Variants in STEAP2 observed in about 807,000 individuals in gnomAD.
STEAP2 encodes STEAP2 metalloreductase, also known as metalloreductase STEAP2.
STEAP2 carries 30 observed loss-of-function variants against 46.4 expected under a neutral mutation model. The observed-to-expected ratio is 0.65, with a 90% CI of 0.48 to 0.88. The LOEUF (loss-of-function observed/expected upper bound fraction) is 0.88. Ranked by LOEUF, STEAP2 falls within the 40% of genes least tolerant of loss-of-function variation. The pLI, the probability that STEAP2 is intolerant of heterozygous loss-of-function variation, is 0.00. For synonymous variants in STEAP2, 180 were observed against 200.5 expected, an observed-to-expected ratio of 0.90 and a Z score of 0.86; for missense variants, 513 against 579.3, an observed-to-expected ratio of 0.89 and a Z score of 1.18.
chr7:90,231,889 GA>G (rs1472579714), intron 5 of STEAP2, among the ~76,000 whole-genome samples: 1 of 151,858 alleles, frequency 6.6e-6, no homozygotes, highest in African/African-American at 2.4e-5. Context: ...CCAGTCCTAA[GA>G]AAATAAATCA....
Position 90,236,130 on chromosome 7 carries a change from ATTC to A in STEAP2, c.*3511_*3513del. On this transcript the variant is annotated 3_prime_UTR_variant, in exon 6 of 6. Coordinates refer to ENST00000394621, the MANE Select transcript of STEAP2 (RefSeq NM_001244944.2). ...AATATATCTCCTATCTGATAACTTAATTCTTCTAAATTACCACTTGCCATTAAG... is the reference window on the plus strand; with the variant it reads ...AATATATCTCCTATCTGATAACTTAATTCTAAATTACCACTTGCCATTAAG... 1.5e-6 allele frequency: 1 copy of A among 670,650 alleles called. No individual in the cohort carries two copies. The highest frequency in any genetic ancestry group is 1.8e-6 in the Non-Finnish European group (1 of 543,888). 41.5% of individuals were successfully genotyped at this position (670,650 alleles called of 1,614,324 possible).
At chr7:90,240,762 T>C (rs1242661387), downstream of STEAP2, among the ~76,000 whole-genome samples, 7 of 152,242 alleles carry the variant, frequency 4.6e-5, no homozygotes, top group East Asian at 1.9e-4. The surrounding 1 kb of genome is among the most constrained non-coding windows in gnomAD (Gnocchi z 4.1). Flanking sequence ...TACTAAGAAA[T>C]TGCAATTTGT....
downstream of STEAP2, chr7:90,237,813 T>G: frequency 3.6e-6 from 1 of 281,212 alleles, no homozygotes; most frequent in Non-Finnish European, 6.7e-6. Flanking sequence ...TCCATTTACA[T>G]TTATTTTATT....
At chr7:90,229,835 A>G in intron 4 of STEAP2, 37 bp from the exon 5 acceptor site, 2 of 1,602,082 alleles carry the variant, frequency 1.2e-6, no homozygotes, top group Non-Finnish European at 8.5e-7. Flanking sequence ...TTAATGTTCT[A>G]CTAAATAAAG....
Position 90,235,366 on chromosome 7 carries a change from C to A in STEAP2, c.*2742C>A. The A allele has an allele frequency of 1.0e-6, 1 of 957,828 alleles. No homozygotes were observed. The highest frequency in any genetic ancestry group is 1.2e-6 in the Non-Finnish European group (1 of 804,744). The allele number at this position is 957,828 out of a possible 1,614,324, so 59.3% of individuals were successfully genotyped here. Reference sequence around the variant, plus strand: ...TAAATGCTTTTCTAAAAATGCAAAACTATGATGTTTAGTTGCTTTATTTTA... The same window carrying A: ...TAAATGCTTTTCTAAAAATGCAAAAATATGATGTTTAGTTGCTTTATTTTA... On this transcript the variant is annotated 3_prime_UTR_variant, in exon 6 of 6. Coordinates refer to ENST00000394621, the MANE Select transcript of STEAP2 (RefSeq NM_001244944.2).
Position 90,227,352 on chromosome 7 carries a change from C to G in STEAP2, c.874C>G (p.Pro292Ala), listed in dbSNP as rs771757573. Residue 292 changes from proline (P) to alanine (A), a missense_variant, in exon 4 of 6, where the codon CCA (proline) becomes GCA (alanine). Transcript: ENST00000394621. ...TTACGGCACCAAGTATAGGAGATTT[C>G]CACCTTGGTTGGAAACCTGGTTACA... The part of the protein sequence containing the change: ...LYYGTKYRRF[P>A]PWLETWLQCR... 33 of 1,613,838 alleles carry G rather than the reference C, an allele frequency of 2.0e-5. 1 individual carries two copies. In the South Asian group the frequency reaches 3.1e-4, roughly 15 times the overall value.
intron 2 of STEAP2, 22 bp from the exon 3 acceptor site, chr7:90,225,028 C>T (rs1306024536): frequency 6.4e-7 from 1 of 1,564,610 alleles, no homozygotes; most frequent in Non-Finnish European, 8.6e-7. Context: ...AACTGATGAC[C>T]ATTTTATTTT....
rs1795550033 is a variant in STEAP2 at position 90,227,452 on chromosome 7, T to C, written c.974T>C (p.Met325Thr). The C allele has an allele frequency of 6.2e-7, 1 of 1,601,790 alleles. No individual in the cohort carries two copies. The highest frequency in any genetic ancestry group is 8.5e-7 in the Non-Finnish European group (1 of 1,170,102). The change falls in exon 4 of 6, where the codon ATG becomes ACG. Residue 325 changes from methionine to threonine, a missense_variant. Physicochemically the swap from Met to Thr is moderately conservative, Grantham distance 81. Coordinates refer to ENST00000394621, the MANE Select transcript of STEAP2 (RefSeq NM_001244944.2). ...VHVAYSLCLP[M>T]RRSERYLFLN... ...GTTGCCTACAGCCTCTGCTTACCGA[T>C]GAGAAGGTCAGAGAGATATTTGTTT...
chr7:90,230,005 C>T lies in STEAP2; in HGVS notation c.1154C>T (p.Ala385Val). Residue 385 changes from alanine (A) to valine (V), a missense_variant, in exon 5 of 6, where the codon GCT becomes GTT. By Grantham distance (64) the Ala-to-Val change is moderately conservative. Transcript: ENST00000394621. ...ACTTCTATCCCTTCAGTGAGCAATG[C>T]TTTAAACTGGAGAGAATTCAGTTTT... ...AVTSIPSVSN[A>V]LNWREFSFIQ... The T allele has an allele frequency of 1.2e-6, 2 of 1,613,170 alleles. No homozygotes were observed. The highest frequency in any genetic ancestry group is 1.7e-6 in the Non-Finnish European group (2 of 1,179,422).
At chr7:90,227,566 A>T in intron 4 of STEAP2, 68 bp downstream of exon 4, 1 of 1,368,110 alleles carries the variant, frequency 7.3e-7, no homozygotes, top group Non-Finnish European at 9.6e-7. Flanking sequence ...ATTGTAAAAC[A>T]TAAAATTTTA....
chr7:90,222,020 G>A (rs564431977), intron 2 of STEAP2, among the ~76,000 whole-genome samples: 3 of 152,280 alleles, frequency 2.0e-5, no homozygotes. Flanking sequence ...TCCAGGCTGG[G>A]ATATAGGAAA....
chr7:90,218,103 T>C (rs1795104467), intron 2 of STEAP2, among the ~76,000 whole-genome samples: 1 of 152,172 alleles, frequency 6.6e-6, no homozygotes, highest in South Asian at 2.1e-4. Flanking sequence ...CTTTACCCAT[T>C]TTTATGGGAT....
In STEAP2 at chr7:90,232,828, ATAT is replaced by A. The variant is rs888822728; in HGVS notation, c.*209_*211del. On this transcript the variant is annotated 3_prime_UTR_variant, in exon 6 of 6. Coordinates refer to ENST00000394621, the MANE Select transcript of STEAP2 (RefSeq NM_001244944.2). The stretch of plus-strand genomic sequence containing the variant: ...GCCAATATGAATTTTTCTAGTCAAC[ATAT>A]TATTGTAATTTAGGTATGTTTTGTT... 4 of 1,254,556 alleles carry A rather than the reference ATAT, an allele frequency of 3.2e-6. No homozygotes were observed. Among genetic ancestry groups the A allele is most frequent in the African/African-American group, 3.0e-5 (2 of 66,552 alleles). 77.7% of individuals were successfully genotyped at this position (1,254,556 alleles called of 1,614,324 possible).
Position 90,232,828 on chromosome 7 carries a change from A to C in STEAP2, c.*204A>C. The C allele has an allele frequency of 2.4e-6, 3 of 1,254,674 alleles. No individual in the cohort carries two copies. Among genetic ancestry groups the C allele is most frequent in the Non-Finnish European group, 2.0e-6 (2 of 996,366 alleles). The allele number at this position is 1,254,674 out of a possible 1,614,324, so 77.7% of individuals were successfully genotyped here. The stretch of plus-strand genomic sequence containing the variant: ...GCCAATATGAATTTTTCTAGTCAAC[A>C]TATTATTGTAATTTAGGTATGTTTT... On this transcript the variant is annotated 3_prime_UTR_variant, in exon 6 of 6. Coordinates refer to ENST00000394621, the MANE Select transcript of STEAP2 (RefSeq NM_001244944.2).
intron 4 of STEAP2, among the ~76,000 whole-genome samples, chr7:90,227,734 A>C (rs1795562780): frequency 6.6e-6 from 1 of 152,182 alleles, no homozygotes; most frequent in South Asian, 2.1e-4. Context: ...GCAGAAAAAT[A>C]GAGGGTTGGG....
chr7:90,232,107 G>T (rs1795777649), intron 5 of STEAP2, among the ~76,000 whole-genome samples: 1 of 151,882 alleles, frequency 6.6e-6, no homozygotes, highest in Non-Finnish European at 1.5e-5. Context: ...ACTGTATGCA[G>T]TAGGGCCTTA....
At position 90,229,860 on chromosome 7, in the gene STEAP2, C is replaced by T. The variant is rs1457327400; in HGVS notation, c.1021-12C>T. On this transcript the variant is annotated splice_polypyrimidine_tract_variant and intron_variant, in intron 4 of 5. Transcript: ENST00000394621. ...ACTAAATAAAGGAAATTCACATTCG[C>T]TTTCTTGTTAGGTTCATGCAAATAT... 2.5e-6 allele frequency: 4 copies of T among 1,610,188 alleles called. No individual in the cohort carries two copies. The East Asian group carries it at 8.9e-5, about 36-fold the overall frequency.
At chr7:90,220,124 G>A (rs1278258906) in intron 2 of STEAP2, among the ~76,000 whole-genome samples, 1 of 152,164 alleles carries the variant, frequency 6.6e-6, no homozygotes, top group Non-Finnish European at 1.5e-5. Context: ...TTTGCTTTTG[G>A]TGTGAAGATA....
chr7:90,232,902 T>C lies in STEAP2; in HGVS notation c.*278T>C. On this transcript the variant is annotated 3_prime_UTR_variant, in exon 6 of 6. Coordinates refer to ENST00000394621, the MANE Select transcript of STEAP2 (RefSeq NM_001244944.2). ...CCTGTTGTTACTTTATATTTCATAA[T>C]CAGGCAAAAATACTTACAGTTAATA... The C allele has an allele frequency of 9.6e-7, 1 of 1,045,946 alleles. No individual in the cohort carries two copies. Among genetic ancestry groups the C allele is most frequent in the Non-Finnish European group, 1.2e-6 (1 of 868,076 alleles). The allele number at this position is 1,045,946 out of a possible 1,614,324, so 64.8% of individuals were successfully genotyped here. A position where few individuals can be genotyped will look rare whatever the true frequency, so the allele number is the denominator to read the frequency against.
Sources: gnomAD v4.1 joint callset for allele counts (sites outside exome capture counted in the v4.1 genomes callset) on GRCh38, gnomAD v4.1.1 for gene constraint, Gnocchi (gnomAD v3.1) non-coding constraint, MANE v1.5 for transcripts, NCBI Gene and HGNC (gene_info 2026-07-23, HGNC 2026-07-21) for gene names.